CPPED1: variants seen among roughly 807,000 people sequenced by gnomAD.
CPPED1 encodes serine/threonine-protein phosphatase CPPED1.
In CPPED1, 28 loss-of-function variants were observed where a neutral mutation model predicts 28.0. The ratio of observed to expected loss-of-function variants is 1.00; its 90% CI spans 0.74 to 1.37. The LOEUF is 1.37. Ranked by LOEUF, CPPED1 falls within the 40% of genes most tolerant of loss-of-function variation. CPPED1 has a pLI of 0.00. For synonymous variants in CPPED1, 198 were observed against 180.2 expected, an observed-to-expected ratio of 1.10 and a Z score of -0.79; for missense variants, 504 against 416.5, an observed-to-expected ratio of 1.21 and a Z score of -1.83.
At chr16:12,788,064 C>T (rs188825137) in intron 1 of CPPED1, among the ~76,000 whole-genome samples, 5 of 152,310 alleles carry the variant, frequency 3.3e-5, no homozygotes, top group African/African-American at 1.2e-4. Flanking sequence ...CAGTTCCTTG[C>T]CATATGGGCC....
chr16:12,696,915 T>C (rs532478678), intron 3 of CPPED1, among the ~76,000 whole-genome samples: 3 of 152,298 alleles, frequency 2.0e-5, no homozygotes, highest in Non-Finnish European at 2.9e-5. Flanking sequence ...TGCCATGTTA[T>C]AGGACCCCCT....
intron 2 of CPPED1, among the ~76,000 whole-genome samples, chr16:12,742,393 T>C (rs190171753): frequency 6.6e-6 from 1 of 152,282 alleles, no homozygotes; most frequent in Admixed American, 6.5e-5. Flanking sequence ...TAACTAAACA[T>C]ATTAAAGGAA....
intron 2 of CPPED1, among the ~76,000 whole-genome samples, chr16:12,718,583 A>G (rs1475253047): frequency 1.3e-5 from 2 of 151,610 alleles, no homozygotes; most frequent in Admixed American, 6.6e-5. Context: ...TGTTGATAAT[A>G]CGATTTGTTG....
chr16:12,776,355 A>G (rs2080497779), intron 2 of CPPED1, among the ~76,000 whole-genome samples: 1 of 152,162 alleles, frequency 6.6e-6, no homozygotes, highest in East Asian at 1.9e-4. Context: ...AGTTGGTGGT[A>G]ATTTGTGATA....
chr16:12,671,384 G>C (rs1418807650), intron 3 of CPPED1, among the ~76,000 whole-genome samples: 1 of 152,086 alleles, frequency 6.6e-6, no homozygotes, highest in Non-Finnish European at 1.5e-5. Flanking sequence ...ATTGAGAATG[G>C]TGGTAAAGAG....
intron 3 of CPPED1, among the ~76,000 whole-genome samples, chr16:12,686,153 C>T (rs2079931728): frequency 6.6e-6 from 1 of 152,146 alleles, no homozygotes; most frequent in South Asian, 2.1e-4. Flanking sequence ...CTATCCTATA[C>T]TTGTTAGAAC....
intron 1 of CPPED1, among the ~76,000 whole-genome samples, chr16:12,801,759 G>A (rs2080661095): frequency 6.6e-6 from 1 of 152,134 alleles, no homozygotes; most frequent in Non-Finnish European, 1.5e-5. Context: ...CTCAAATTAG[G>A]ATGATTTTAA....
At chr16:12,668,634 A>G (rs1364262172) in intron 3 of CPPED1, among the ~76,000 whole-genome samples, 1 of 152,228 alleles carries the variant, frequency 6.6e-6, no homozygotes, top group African/African-American at 2.4e-5. Flanking sequence ...AGCTTTTACA[A>G]CTCAACCAAA....
At chr16:12,673,191 C>A (rs13330413) in intron 3 of CPPED1, among the ~76,000 whole-genome samples, 24,319 of 152,118 alleles carry the variant, frequency 0.16, 5,187 homozygotes, top group African/African-American at 0.49. Context: ...CATAAATAGA[C>A]AACTGAAAGG....
intron 1 of CPPED1, among the ~76,000 whole-genome samples, chr16:12,790,979 A>G (rs1434367175): frequency 6.6e-6 from 1 of 150,728 alleles, no homozygotes; most frequent in African/African-American, 2.4e-5. Context: ...TTTTCTGGAC[A>G]TGTCCAAGCT....
At chr16:12,784,072 T>G (rs1278117537) in intron 1 of CPPED1, among the ~76,000 whole-genome samples, 1 of 152,220 alleles carries the variant, frequency 6.6e-6, no homozygotes, top group Non-Finnish European at 1.5e-5. Flanking sequence ...AAACAGAATA[T>G]GATGATGGCA....
chr16:12,668,455 C>G (rs976480998), intron 3 of CPPED1, among the ~76,000 whole-genome samples: 1 of 152,092 alleles, frequency 6.6e-6, no homozygotes, highest in African/African-American at 2.4e-5. Flanking sequence ...GTATAGTTAC[C>G]TTATTTCTTT....
At chr16:12,768,463 G>C (rs1046282729) in intron 2 of CPPED1, among the ~76,000 whole-genome samples, 9 of 152,088 alleles carry the variant, frequency 5.9e-5, no homozygotes, top group Non-Finnish European at 1.2e-4. Flanking sequence ...CACTTTTCTA[G>C]CTACGATTAA....
intron 1 of CPPED1, among the ~76,000 whole-genome samples, chr16:12,783,778 T>C (rs1355219908): frequency 1.5e-4 from 23 of 152,108 alleles, no homozygotes; most frequent in Admixed American, 6.6e-5. Flanking sequence ...AAATTGTACA[T>C]GTACATAAAC....
rs142419252 is a variant in CPPED1 at position 12,677,033 on chromosome 16, G to A, written c.716-11918C>T. Among the ~76,000 whole-genome samples the A allele has an allele frequency of 2.0e-3, 307 of 152,262 alleles. 2 individuals are homozygous for A. Among genetic ancestry groups the A allele is most frequent in the African/African-American group, 7.2e-3 (301 of 41,554 alleles). On this transcript the variant is annotated intron_variant, in intron 3 of 3. Coordinates refer to ENST00000381774, the MANE Select transcript of CPPED1 (RefSeq NM_018340.3). ...TAGAGGTAAAGACACATCAGGTGAG[G>A]GGAATATCACGAGCGAGTGAAGAGA...
At chr16:12,746,699 T>A (rs1447586076) in intron 2 of CPPED1, among the ~76,000 whole-genome samples, 1 of 152,086 alleles carries the variant, frequency 6.6e-6, no homozygotes, top group Non-Finnish European at 1.5e-5. Context: ...TATGGCAGGG[T>A]TTTTAGCATT....
At chr16:12,687,288 T>C (rs1311817400) in intron 3 of CPPED1, among the ~76,000 whole-genome samples, 3 of 152,152 alleles carry the variant, frequency 2.0e-5, no homozygotes, top group African/African-American at 4.8e-5. Flanking sequence ...AGATAATAAA[T>C]ATTAACATCT....
chr16:12,672,568 T>C (rs898391462), intron 3 of CPPED1, among the ~76,000 whole-genome samples: 3 of 152,336 alleles, frequency 2.0e-5, no homozygotes, highest in South Asian at 2.1e-4. Flanking sequence ...TGTGTGCATA[T>C]ACAGGCTCGT....
chr16:12,786,837 G>C (rs1218961144), intron 1 of CPPED1, among the ~76,000 whole-genome samples: 8 of 152,194 alleles, frequency 5.3e-5, no homozygotes, highest in African/African-American at 1.9e-4. Context: ...CTCTTGAACT[G>C]GGAGGTGGAG....
Sources: allele counts gnomAD v4.1 joint callset (sites outside exome capture counted in the v4.1 genomes callset), GRCh38; gene constraint gnomAD v4.1.1; transcripts MANE v1.5; gene names NCBI Gene and HGNC (gene_info 2026-07-23, HGNC 2026-07-21).